The following ST6GALNAC3 variants were observed in gnomAD, a reference collection of about 807,000 sequenced individuals.
ST6GALNAC3 encodes alpha-N-acetylgalactosaminide alpha-2,6-sialyltransferase 3.
Under a neutral mutation model 32.7 loss-of-function variants are expected in ST6GALNAC3, and 25 were observed. The ratio of observed to expected loss-of-function variants is 0.76; its 90% confidence interval spans 0.56 to 1.07. The LOEUF (loss-of-function observed/expected upper bound fraction) is 1.07. Ranked by LOEUF, ST6GALNAC3 falls within the 50% of genes least tolerant of loss-of-function variation. The pLI is 0.00. For synonymous variants in ST6GALNAC3, 129 were observed against 133.1 expected, an observed-to-expected ratio of 0.97 and a Z score of 0.21; for missense variants, 355 against 382.4, an observed-to-expected ratio of 0.93 and a Z score of 0.60.
chr1:76,455,517 C>G (rs917809846), intron 3 of ST6GALNAC3, among the ~76,000 whole-genome samples: 1 of 152,166 alleles, frequency 6.6e-6, no homozygotes, highest in African/African-American at 2.4e-5. Flanking sequence ...CATACTCTTG[C>G]TTGGGAACAT....
At chr1:76,464,904 C>A (rs74089955) in intron 3 of ST6GALNAC3, among the ~76,000 whole-genome samples, 5,942 of 152,244 alleles carry the variant, frequency 0.039, 391 homozygotes, top group African/African-American at 0.13. Flanking sequence ...CCCACTATTT[C>A]ATCTCCCCAA....
intron 3 of ST6GALNAC3, among the ~76,000 whole-genome samples, chr1:76,624,426 G>T (rs1648835660): frequency 6.6e-6 from 1 of 151,882 alleles, no homozygotes; most frequent in Non-Finnish European, 1.5e-5. Flanking sequence ...TTTGAGGGCT[G>T]TGTTCTGGAA....
intron 1 of ST6GALNAC3, among the ~76,000 whole-genome samples, chr1:76,158,157 G>A (rs114629344): frequency 1.1e-3 from 171 of 152,370 alleles, no homozygotes; most frequent in African/African-American, 3.9e-3. Flanking sequence ...GGGTGGTTGT[G>A]AGTCAGCCTC....
chr1:76,501,307 C>T lies in ST6GALNAC3; in HGVS notation c.623+88890C>T, dbSNP rs150399404. On this transcript the variant is annotated intron_variant, in intron 3 of 4. Transcript: ENST00000328299. ...CTCCTCTGGAGCCATCACCAAAGCCCTGGTCACACTCTGTAATTTGTAAAT... is the reference window on the plus strand; with the variant it reads ...CTCCTCTGGAGCCATCACCAAAGCCTTGGTCACACTCTGTAATTTGTAAAT... 9.2e-5 allele frequency among the ~76,000 whole-genome samples: 14 copies of T among 152,314 alleles called. No individual in the cohort carries two copies. In the East Asian group the frequency reaches 2.7e-3, roughly 29 times the overall value.
At chr1:76,272,759 C>T (rs1011370105) in intron 1 of ST6GALNAC3, among the ~76,000 whole-genome samples, 5 of 152,220 alleles carry the variant, frequency 3.3e-5, no homozygotes, top group African/African-American at 1.2e-4. Context: ...TTGGGATTTA[C>T]TGATTGGCTC....
chr1:76,637,144 A>G (rs1238574030), downstream of ST6GALNAC3: 2 of 152,194 alleles, frequency 1.3e-5, no homozygotes, highest in African/African-American at 4.8e-5. Flanking sequence ...CTTGCTCTAT[A>G]TTTGATAACA....
chr1:76,306,630 G>A (rs1363723339), intron 1 of ST6GALNAC3, among the ~76,000 whole-genome samples: 2 of 150,144 alleles, frequency 1.3e-5, no homozygotes, highest in Non-Finnish European at 3.0e-5. Context: ...AAAAATTATA[G>A]GTAGCAACAT....
At chr1:76,441,953 G>T (rs112337347) in intron 3 of ST6GALNAC3, among the ~76,000 whole-genome samples, 4 of 152,148 alleles carry the variant, frequency 2.6e-5, no homozygotes, top group African/African-American at 9.7e-5. Flanking sequence ...ATGAGTAGAA[G>T]GTCTCTCATG....
intron 2 of ST6GALNAC3, among the ~76,000 whole-genome samples, chr1:76,411,757 AT>A (rs977716699): frequency 1.3e-5 from 2 of 152,122 alleles, no homozygotes; most frequent in Admixed American, 1.3e-4. Flanking sequence ...TTTGCCTATA[AT>A]TTTAAACCAG....
At chr1:76,593,139 G>T (rs1647076599) in intron 3 of ST6GALNAC3, among the ~76,000 whole-genome samples, 1 of 152,082 alleles carries the variant, frequency 6.6e-6, no homozygotes, top group South Asian at 2.1e-4. Flanking sequence ...AAGAACAGAA[G>T]AATTATTTCA....
intron 2 of ST6GALNAC3, among the ~76,000 whole-genome samples, chr1:76,384,415 G>A (rs951977730): frequency 1.3e-5 from 2 of 152,152 alleles, no homozygotes; most frequent in Non-Finnish European, 2.9e-5. Context: ...AAGAAGAGAA[G>A]TAGATAATCT....
intron 3 of ST6GALNAC3, among the ~76,000 whole-genome samples, chr1:76,453,042 T>G (rs1657521134): frequency 6.6e-6 from 1 of 152,196 alleles, no homozygotes; most frequent in East Asian, 1.9e-4. Context: ...ATCCATCTCC[T>G]CTAGGTTTTC....
At chr1:76,321,369 C>T (rs1272047469) in intron 2 of ST6GALNAC3, among the ~76,000 whole-genome samples, 1 of 152,158 alleles carries the variant, frequency 6.6e-6, no homozygotes, top group Non-Finnish European at 1.5e-5. Context: ...GACAACACTT[C>T]AGGTCCTGAG....
intron 1 of ST6GALNAC3, among the ~76,000 whole-genome samples, chr1:76,133,351 C>T (rs1041285383): frequency 2.0e-5 from 3 of 152,168 alleles, no homozygotes; most frequent in African/African-American, 7.2e-5. Flanking sequence ...GAGCTCTGTC[C>T]TAGGGGCCTT....
At chr1:76,400,606 G>T (rs575699568) in intron 2 of ST6GALNAC3, among the ~76,000 whole-genome samples, 1 of 152,256 alleles carries the variant, frequency 6.6e-6, no homozygotes, top group South Asian at 2.1e-4. Context: ...GTAATGTTAC[G>T]CTGGGCATGG....
chr1:76,177,792 T>A (rs1652941246), intron 1 of ST6GALNAC3, among the ~76,000 whole-genome samples: 1 of 152,210 alleles, frequency 6.6e-6, no homozygotes, highest in Non-Finnish European at 1.5e-5. Context: ...GTTAATATAG[T>A]CTCTGTTGGC....
chr1:76,534,689 G>A (rs1427900098), intron 3 of ST6GALNAC3, among the ~76,000 whole-genome samples: 3 of 152,030 alleles, frequency 2.0e-5, no homozygotes, highest in Non-Finnish European at 4.4e-5. Context: ...ATAAATCATT[G>A]TTTATTCAGT....
chr1:76,497,261 TG>T (rs1223541626), intron 3 of ST6GALNAC3, among the ~76,000 whole-genome samples: 1 of 152,038 alleles, frequency 6.6e-6, no homozygotes, highest in Admixed American at 6.6e-5. Flanking sequence ...CAGGCAGCTT[TG>T]GGGGGCCACA....
chr1:76,612,731 T>C lies in ST6GALNAC3; in HGVS notation c.624-14721T>C, dbSNP rs536036014. ...ACCATCCTGAATGCATCAGTCCTAT[T>C]AACAGCATGCTAGTTTTGGAGAATT... On this transcript the variant is annotated intron_variant, in intron 3 of 4. Transcript: ENST00000328299. Among the ~76,000 whole-genome samples, 5 of 152,300 alleles carry C rather than the reference T, an allele frequency of 3.3e-5. No homozygotes were observed. In the South Asian group the frequency reaches 1.0e-3, roughly 32 times the overall value.
Sources: gnomAD v4.1 joint callset for allele counts (sites outside exome capture counted in the v4.1 genomes callset) on GRCh38, gnomAD v4.1.1 for gene constraint, MANE v1.5 for transcripts, NCBI Gene and HGNC (gene_info 2026-07-23, HGNC 2026-07-21) for gene names.